The following ROBO2 variants were observed in gnomAD, a reference collection of about 807,000 sequenced individuals.
ROBO2 encodes the protein roundabout homolog 2.
A neutral mutation model predicts 160.8 loss-of-function variants in ROBO2; 53 were observed. That is an observed-to-expected ratio of 0.33 (90% CI 0.26 to 0.41). ROBO2 has a LOEUF of 0.41. Ranked by LOEUF, ROBO2 falls within the 10% of genes least tolerant of loss-of-function variation. The pLI, the probability that ROBO2 is intolerant of heterozygous loss-of-function variation, is 1.00. For synonymous variants in ROBO2, 664 were observed against 611.7 expected (o/e 1.09, Z -1.26); for missense variants, 1,577 against 1,722.4 (o/e 0.92, Z 1.49).
At chr3:77,429,618 T>G (rs919620500) in intron 2 of ROBO2, among the ~76,000 whole-genome samples, 21 of 151,872 alleles carry the variant, frequency 1.4e-4, no homozygotes, top group African/African-American at 4.1e-4. Flanking sequence ...CAGGGTTTTT[T>G]TTTTTTTTTT....
At chr3:76,736,345 A>T (rs1051378451) in intron 2 of ROBO2, among the ~76,000 whole-genome samples, 1 of 139,610 alleles carries the variant, frequency 7.2e-6, no homozygotes, top group Non-Finnish European at 1.6e-5. Flanking sequence ...GTATCAGTAG[A>T]CACTGAATAT....
intron 2 of ROBO2, among the ~76,000 whole-genome samples, chr3:76,075,472 A>ATTTT (rs10686575): frequency 0.6 from 85,204 of 143,086 alleles, 25,596 homozygotes; most frequent in Middle Eastern, 0.71. Flanking sequence ...GACTTTTCCT[A>ATTTT]TTTTTTTTTT....
intron 2 of ROBO2, among the ~76,000 whole-genome samples, chr3:76,799,776 T>C (rs2064060307): frequency 6.6e-6 from 1 of 152,160 alleles, no homozygotes; most frequent in Non-Finnish European, 1.5e-5. Flanking sequence ...TAAATATTGT[T>C]AAAATGTTCA....
At chr3:76,252,204 A>T (rs181527678) in intron 2 of ROBO2, among the ~76,000 whole-genome samples, 251 of 152,202 alleles carry the variant, frequency 1.6e-3, no homozygotes, top group African/African-American at 5.9e-3. Context: ...CACCATTTGT[A>T]TAGTGAATAT....
chr3:76,224,435 A>G (rs938892500), intron 2 of ROBO2, among the ~76,000 whole-genome samples: 1 of 152,180 alleles, frequency 6.6e-6, no homozygotes, highest in African/African-American at 2.4e-5. Context: ...CCAGCTCAAG[A>G]AGATGGAGAA....
chr3:76,743,598 A>G (rs2093837544), intron 2 of ROBO2, among the ~76,000 whole-genome samples: 1 of 152,148 alleles, frequency 6.6e-6, no homozygotes, highest in Admixed American at 6.5e-5. Context: ...AATCATGTAA[A>G]CATAAAATCA....
At chr3:76,615,230 T>C (rs1458514010) in intron 2 of ROBO2, among the ~76,000 whole-genome samples, 1 of 151,578 alleles carries the variant, frequency 6.6e-6, no homozygotes, top group African/African-American at 2.4e-5. Context: ...TGCTGCTCTT[T>C]TTTATTATTT....
intron 5 of ROBO2, among the ~76,000 whole-genome samples, chr3:77,508,411 T>C (rs1367598762): frequency 2.0e-5 from 3 of 148,212 alleles, no homozygotes; most frequent in Admixed American, 6.8e-5. Flanking sequence ...TAAATGTATA[T>C]ATTAAAGGTT....
At chr3:76,534,326 G>T (rs1378585241) in intron 2 of ROBO2, among the ~76,000 whole-genome samples, 1 of 152,122 alleles carries the variant, frequency 6.6e-6, no homozygotes, top group East Asian at 1.9e-4. Flanking sequence ...CAGTAATCAG[G>T]CATGTTAGCT....
At chr3:77,481,666 T>A (rs145822828) in intron 4 of ROBO2, among the ~76,000 whole-genome samples, 6 of 152,304 alleles carry the variant, frequency 3.9e-5, no homozygotes, top group Admixed American at 3.3e-4. Flanking sequence ...ATTTCAACTC[T>A]TGATAAATAT....
intron 1 of ROBO2, among the ~76,000 whole-genome samples, chr3:75,925,662 G>C (rs924181046): frequency 2.6e-5 from 4 of 152,162 alleles, no homozygotes; most frequent in Non-Finnish European, 5.9e-5. Context: ...GAGGCAACTG[G>C]ATACTCAATT....
At chr3:75,930,959 A>G (rs1258656293) in intron 1 of ROBO2, among the ~76,000 whole-genome samples, 1 of 152,206 alleles carries the variant, frequency 6.6e-6, no homozygotes, top group Non-Finnish European at 1.5e-5. Context: ...CATAGAAACC[A>G]AAGTGATCTC....
intron 2 of ROBO2, among the ~76,000 whole-genome samples, chr3:76,874,564 G>A (rs112847699): frequency 0.03 from 4,613 of 152,220 alleles, 107 homozygotes; most frequent in Non-Finnish European, 0.044. Flanking sequence ...CACTTCCACC[G>A]CAGCTTATCA....
intron 2 of ROBO2, among the ~76,000 whole-genome samples, chr3:76,982,652 AAAATG>A (rs2060154887): frequency 6.6e-6 from 1 of 152,232 alleles, no homozygotes; most frequent in Non-Finnish European, 1.5e-5. Context: ...GAAATAAAAT[AAAATG>A]AAAGAATTAT....
chr3:76,378,255 C>A (rs1261535592), intron 2 of ROBO2, among the ~76,000 whole-genome samples: 2 of 152,144 alleles, frequency 1.3e-5, no homozygotes, highest in Admixed American at 1.3e-4. Context: ...TTGACCTCAA[C>A]AATGGAGACA....
intron 2 of ROBO2, among the ~76,000 whole-genome samples, chr3:76,024,118 A>G (rs930323160): frequency 1.3e-5 from 2 of 151,510 alleles, no homozygotes; most frequent in Non-Finnish European, 3.0e-5. Flanking sequence ...GCTTAAATGA[A>G]CTACTGCTTT....
chr3:76,801,578 GTT>G (rs71629615), intron 2 of ROBO2, among the ~76,000 whole-genome samples: 2 of 150,252 alleles, frequency 1.3e-5, no homozygotes, highest in African/African-American at 2.4e-5. Flanking sequence ...TATCCATAAA[GTT>G]TTTTTTTTAA....
chr3:77,350,578 G>A (rs914717561), intron 2 of ROBO2, among the ~76,000 whole-genome samples: 4 of 152,094 alleles, frequency 2.6e-5, no homozygotes, highest in African/African-American at 9.7e-5. Flanking sequence ...AATTAGAGAC[G>A]AAGGACAGAC....
chr3:76,117,021 A>G (rs1293402431), intron 2 of ROBO2, among the ~76,000 whole-genome samples: 1 of 152,206 alleles, frequency 6.6e-6, no homozygotes, highest in African/African-American at 2.4e-5. Flanking sequence ...TCACTTTAAA[A>G]TGTTGCTTTC....
Sources: allele counts gnomAD v4.1 joint callset (sites outside exome capture counted in the v4.1 genomes callset), GRCh38; gene constraint gnomAD v4.1.1; transcripts MANE v1.5; gene names NCBI Gene and HGNC (gene_info 2026-07-23, HGNC 2026-07-21).